Variants in ACVR1C observed in about 807,000 individuals in gnomAD.
The protein encoded by ACVR1C is activin A receptor type 1C.
In ACVR1C, 23 loss-of-function variants were observed where a neutral mutation model predicts 57.9. That is an observed-to-expected ratio of 0.40 (90% CI 0.29 to 0.56). ACVR1C has a LOEUF of 0.56. Among genes scored for constraint, ACVR1C ranks in the 20% least tolerant of loss-of-function variants. The probability of loss-of-function intolerance (pLI) is 0.50; values close to 1 mark genes in which losing one functional copy is unlikely to be tolerated. For synonymous variants in ACVR1C, 214 were observed against 215.3 expected, an observed-to-expected ratio of 0.99 and a Z score of 0.05; for missense variants, 480 against 607.9, an observed-to-expected ratio of 0.79 and a Z score of 2.21.
chr2:157,575,778 T>C (rs1405796579), intron 2 of ACVR1C, among the ~76,000 whole-genome samples: 3 of 152,214 alleles, frequency 2.0e-5, no homozygotes, highest in Non-Finnish European at 4.4e-5. Context: ...ATACACTTAT[T>C]TGTAGTCATA....
chr2:157,541,867 C>T (rs1687633567), intron 6 of ACVR1C, among the ~76,000 whole-genome samples: 1 of 152,152 alleles, frequency 6.6e-6, no homozygotes, highest in South Asian at 2.1e-4. Context: ...TTAACAACTC[C>T]AAGAAAATAG....
At chr2:157,620,561 A>T (rs1159016340) in intron 1 of ACVR1C, among the ~76,000 whole-genome samples, 1 of 152,090 alleles carries the variant, frequency 6.6e-6, no homozygotes, top group East Asian at 1.9e-4. Flanking sequence ...CTGAATTAAC[A>T]TCTCTTGGAT....
rs1253230669 is a variant in ACVR1C, at chr2:157,554,329, AAG to A, written c.544+1762_544+1763del. On this transcript the variant is annotated intron_variant, in intron 3 of 8. Transcript: ENST00000243349. ...AGAAAGGAAAAGAAAAAGAAAAAGA[AAG>A]AGAAAGAGAGAAAGAAAGAAAGAGA... Among the ~76,000 whole-genome samples the A allele has an allele frequency of 6.8e-5, 10 of 147,172 alleles. 2 individuals carry two copies. The highest frequency in any genetic ancestry group is 2.3e-4 in the African/African-American group (9 of 38,954).
chr2:157,546,803 T>C (rs539299649), intron 4 of ACVR1C, among the ~76,000 whole-genome samples: 2 of 152,264 alleles, frequency 1.3e-5, no homozygotes, highest in African/African-American at 4.8e-5. Flanking sequence ...TGAGTACTTA[T>C]TTTATTTTAT....
At chr2:157,615,318 CAAA>C (rs1245866633) in intron 1 of ACVR1C, among the ~76,000 whole-genome samples, 1 of 99,594 alleles carries the variant, frequency 1.0e-5, no homozygotes. Context: ...AACAATAATA[CAAA>C]AAAAAAAAAA....
chr2:157,560,574 G>A lies in ACVR1C; in HGVS notation c.305-4242C>T, dbSNP rs188869652. Among the ~76,000 whole-genome samples the A allele has an allele frequency of 2.0e-5, 3 of 152,252 alleles. No individual in the cohort carries two copies. In the East Asian group the frequency reaches 5.8e-4, roughly 29 times the overall value. ...CCATGTTACCTGAATCAACCAATAG[G>A]CTGTGGCCTGCATCAACCAATCAGA... is the stretch of plus-strand genomic sequence containing the variant. On this transcript the variant is annotated intron_variant, in intron 2 of 8. Coordinates refer to ENST00000243349, the MANE Select transcript of ACVR1C (RefSeq NM_145259.3).
chr2:157,611,984 G>A (rs1682546333), intron 1 of ACVR1C, among the ~76,000 whole-genome samples: 1 of 152,178 alleles, frequency 6.6e-6, no homozygotes, highest in Non-Finnish European at 1.5e-5. Flanking sequence ...ATGCTATTGG[G>A]ATAAATGGAG....
At chr2:157,556,452 A>G in intron 2 of ACVR1C, 120 bp from the exon 3 acceptor site, 1 of 1,304,432 alleles carries the variant, frequency 7.7e-7, no homozygotes, top group Non-Finnish European at 1.1e-6. Flanking sequence ...GTATGCACTT[A>G]TGTTCATTGG....
At chr2:157,605,789 A>C (rs572929660) in intron 1 of ACVR1C, among the ~76,000 whole-genome samples, 2 of 151,806 alleles carry the variant, frequency 1.3e-5, no homozygotes, top group South Asian at 4.1e-4. Flanking sequence ...TATCATTTCT[A>C]TGTGTTGGTA....
chr2:157,541,339 A>C, intron 6 of ACVR1C, 125 bp from the exon 7 acceptor site: 1 of 918,442 alleles, frequency 1.1e-6, no homozygotes, highest in Non-Finnish European at 1.5e-6. Context: ...TAATAGAATA[A>C]AATTAAAGAA....
chr2:157,550,353 A>G lies in ACVR1C; in HGVS notation c.584T>C (p.Ile195Thr), dbSNP rs56188432. The G allele has an allele frequency of 1.6e-3, 2,601 of 1,614,186 alleles. 2 individuals are homozygous for G. Among genetic ancestry groups the G allele is most frequent in the Non-Finnish European group, 2.0e-3 (2,410 of 1,180,038 alleles). ...TTTTCCTACTATTTCCTGAAGCACA[A>G]TCGTCCTTGCAATTGTCCTTTGAAC... ...LLVQRTIART[I>T]VLQEIVGKGR... The change falls in exon 4 of 9, where the codon ATT becomes ACT. Residue 195 changes from isoleucine to threonine, a missense_variant. Ile to Thr is a moderately conservative substitution (Grantham distance 89). Coordinates refer to ENST00000243349, the MANE Select transcript of ACVR1C (RefSeq NM_145259.3).
At chr2:157,546,171 C>G (rs1416315264) in intron 4 of ACVR1C, among the ~76,000 whole-genome samples, 1 of 152,190 alleles carries the variant, frequency 6.6e-6, no homozygotes, top group African/African-American at 2.4e-5. Context: ...TTTGACAGCA[C>G]TGCTGATTAA....
rs527685370 is a variant in ACVR1C at position 157,573,792 on chromosome 2, C to T, written c.304+13395G>A. On this transcript the variant is annotated intron_variant, in intron 2 of 8. Coordinates refer to ENST00000243349, the MANE Select transcript of ACVR1C (RefSeq NM_145259.3). ...CAGAGTCTACAGAAATCAATTCTGTCACAAACCAAAATACAACCCAGCCAT... is the reference window on the plus strand; with the variant it reads ...CAGAGTCTACAGAAATCAATTCTGTTACAAACCAAAATACAACCCAGCCAT... 3.3e-5 allele frequency among the ~76,000 whole-genome samples: 5 copies of T among 152,116 alleles called. No individual in the cohort carries two copies. In the South Asian group the frequency reaches 1.0e-3, roughly 32 times the overall value.
chr2:157,539,240 G>C (rs1329076056), intron 7 of ACVR1C, among the ~76,000 whole-genome samples: 2 of 151,900 alleles, frequency 1.3e-5, no homozygotes, highest in Non-Finnish European at 2.9e-5. Context: ...TTTAACGTTG[G>C]GTTTCTTACA....
chr2:157,561,986 A>G (rs904974160), intron 2 of ACVR1C, among the ~76,000 whole-genome samples: 1 of 152,194 alleles, frequency 6.6e-6, no homozygotes, highest in Admixed American at 6.5e-5. Flanking sequence ...ACAATTCCCA[A>G]GCAACTTCAC....
rs1278095244 is a variant in ACVR1C at position 157,534,055 on chromosome 2, A to G, written c.1357-12T>C. The G allele has an allele frequency of 6.9e-7, 1 of 1,458,758 alleles. No homozygotes were observed. Among genetic ancestry groups the G allele is most frequent in the Non-Finnish European group, 9.1e-7 (1 of 1,099,926 alleles). The allele number at this position is 1,458,758 out of a possible 1,614,324, so 90.4% of individuals were successfully genotyped here. A position where few individuals can be genotyped will look rare whatever the true frequency, so the allele number is the denominator to read the frequency against. Reference sequence around the variant, plus strand: ...ATGACTCGGAGTGCCTTTAAGAGAGAAAAAAAAAATCAAAGACTTTAGCTA... The same window carrying G: ...ATGACTCGGAGTGCCTTTAAGAGAGGAAAAAAAAATCAAAGACTTTAGCTA... On this transcript the variant is annotated splice_polypyrimidine_tract_variant and intron_variant, in intron 8 of 8. Coordinates refer to ENST00000243349, the MANE Select transcript of ACVR1C (RefSeq NM_145259.3).
intron 1 of ACVR1C, among the ~76,000 whole-genome samples, chr2:157,587,759 C>T (rs1157253277): frequency 6.6e-6 from 1 of 151,974 alleles, no homozygotes; most frequent in Admixed American, 6.6e-5. Flanking sequence ...AACAGTATCA[C>T]AGCAACCAAG....
intron 1 of ACVR1C, among the ~76,000 whole-genome samples, chr2:157,621,863 T>TC (rs750031385): frequency 2.0e-5 from 3 of 152,206 alleles, no homozygotes; most frequent in Non-Finnish European, 4.4e-5. Flanking sequence ...TCACAGCTCC[T>TC]CTACCTTTAT....
intron 2 of ACVR1C, among the ~76,000 whole-genome samples, chr2:157,580,051 C>T (rs1017685148): frequency 2.6e-4 from 39 of 151,864 alleles, no homozygotes; most frequent in African/African-American, 9.4e-4. Flanking sequence ...CTTCCCCAAC[C>T]CCCGTCTTGC....
Sources: allele counts gnomAD v4.1 joint callset (sites outside exome capture counted in the v4.1 genomes callset), GRCh38; gene constraint gnomAD v4.1.1; transcripts MANE v1.5; gene names NCBI Gene and HGNC (gene_info 2026-07-23, HGNC 2026-07-21).